Variants in NR1I3 observed in about 807,000 individuals in gnomAD.
NR1I3 encodes the protein nuclear receptor subfamily 1 group I member 3, also known as constitutive activator of retinoid response.
NR1I3 carries 30 observed loss-of-function variants against 38.4 expected under a neutral mutation model. That is an observed-to-expected ratio of 0.78 (90% CI 0.58 to 1.06). NR1I3 has a LOEUF of 1.06. Among genes scored for constraint, NR1I3 ranks in the 50% least tolerant of loss-of-function variants. NR1I3 has a pLI of 0.00. For synonymous variants in NR1I3, 143 were observed against 165.1 expected (o/e 0.87, Z 1.03); for missense variants, 388 against 435.7 (o/e 0.89, Z 0.97).
rs554210130 is a variant in NR1I3, at chr1:161,232,500, G to T, written c.548+307C>A. ...TTTTGTAGAGTTGGGGTTTTGTCAT[G>T]TTGCTGAGGCTGGTCTCAAACTTCT... On this transcript the variant is annotated intron_variant, in intron 5 of 8. Coordinates refer to ENST00000367983, the MANE Select transcript of NR1I3 (RefSeq NM_005122.5). 9.2e-5 allele frequency among the ~76,000 whole-genome samples: 14 copies of T among 152,116 alleles called. No homozygotes were observed. In the South Asian group the frequency reaches 2.9e-3, roughly 32 times the overall value.
chr1:161,237,971 A>C, intron 1 of NR1I3, 70 bp downstream of exon 1: 1 of 1,472,816 alleles, frequency 6.8e-7, no homozygotes, highest in Non-Finnish European at 9.5e-7. Context: ...CACGTGAGCC[A>C]CTATGCCTAG....
In NR1I3 at chr1:161,236,481, C is replaced by G. The variant is rs781707733; in HGVS notation, c.85G>C (p.Glu29Gln). The G allele has an allele frequency of 1.9e-6, 3 of 1,614,066 alleles. No homozygotes were observed. The African/African-American group carries it at 4.0e-5, about 22-fold the overall frequency. Residue 29 changes from glutamate to glutamine, a missense_variant, in exon 2 of 9, where the codon GAG becomes CAG. Transcript: ENST00000367983. ...TGYHFNALTC[E>Q]GCKGFFRRTV... The stretch of plus-strand genomic sequence containing the variant: ...CACCTGAAGAAACCCTTGCAGCCCT[C>G]ACAAGTCAGCGCATTAAAGTGGTAG...
intron 3 of NR1I3, among the ~76,000 whole-genome samples, chr1:161,234,278 C>T (rs375209968): frequency 2.0e-5 from 3 of 151,882 alleles, no homozygotes; most frequent in East Asian, 1.9e-4. Context: ...GCTGGGATTA[C>T]AGGCGTGAGC....
chr1:161,232,636 G>A (rs111992799), intron 5 of NR1I3, among the ~76,000 whole-genome samples, 171 bp downstream of exon 5: 5 of 152,216 alleles, frequency 3.3e-5, no homozygotes, highest in African/African-American at 1.2e-4. Flanking sequence ...CTTCAGAGAT[G>A]GAGAAGAACT....
rs754170136 is a variant in NR1I3 at position 161,231,468 on chromosome 1, C to T, written c.555G>A (p.Leu185=). The part of the protein sequence containing the change: ...FTKDLPVFRS[L]PIEDQISLLK... ...GAAGGGAGATCTGGTCTTCAATGGGCAGGGAACTGTGGAAAGCAGGAAACA... is the reference window on the plus strand; with the variant it reads ...GAAGGGAGATCTGGTCTTCAATGGGTAGGGAACTGTGGAAAGCAGGAAACA... Residue 185 remains leucine (L), a synonymous_variant, in exon 6 of 9, where the codon CTG becomes CTA. Coordinates refer to ENST00000367983, the MANE Select transcript of NR1I3 (RefSeq NM_005122.5). 3 of 1,576,670 alleles carry T rather than the reference C, an allele frequency of 1.9e-6. No individual in the cohort carries two copies. Among genetic ancestry groups the T allele is most frequent in the African/African-American group, 1.4e-5 (1 of 72,224 alleles).
intron 2 of NR1I3, 131 bp from the exon 3 acceptor site, chr1:161,236,108 G>T (rs6686001): frequency 0.15 from 158,853 of 1,045,210 alleles, 12,997 homozygotes; most frequent in East Asian, 0.26. Context: ...GGTCCCCAGG[G>T]GTGGATAGTA....
At chr1:161,235,634 T>C (rs2102187826) in intron 3 of NR1I3, 2 of 502,432 alleles carry the variant, frequency 4.0e-6, no homozygotes, top group East Asian at 8.2e-5. Flanking sequence ...GGGAAGAGTA[T>C]GAAATAAAGT....
intron 8 of NR1I3, chr1:161,230,458 G>A: frequency 4.2e-6 from 2 of 473,000 alleles, no homozygotes; most frequent in African/African-American, 2.0e-5. Flanking sequence ...GCGAGGAGAG[G>A]AAAGGCCAAG....
chr1:161,232,717 A>G (rs2102145158), intron 5 of NR1I3, 90 bp downstream of exon 5: 4 of 1,275,200 alleles, frequency 3.1e-6, no homozygotes, highest in Middle Eastern at 1.9e-4. Flanking sequence ...AGGCTGACGC[A>G]TGTGATAATT....
chr1:161,232,488 G>A (rs907847595), intron 5 of NR1I3, among the ~76,000 whole-genome samples: 1 of 151,960 alleles, frequency 6.6e-6, no homozygotes. Flanking sequence ...TGTAGAGTTG[G>A]GGTTTTGTCA....
chr1:161,236,813 T>C (rs1159403839), intron 1 of NR1I3, among the ~76,000 whole-genome samples: 31 of 151,940 alleles, frequency 2.0e-4, no homozygotes, highest in Admixed American at 1.5e-3. Flanking sequence ...TTGCAACCTC[T>C]GCCTCCTGGG....
Position 161,238,149 on chromosome 1 carries a change from C to A in NR1I3, c.-142G>T. The stretch of plus-strand genomic sequence containing the variant: ...GTTTTCCTCTGATCTCAGGAGTTGC[C>A]AGTGATTGGAGTTAGGGATTATGAC... On this transcript the variant is annotated 5_prime_UTR_variant, in exon 1 of 9. Transcript: ENST00000367983. 1 of 1,597,466 alleles carries A rather than the reference C, an allele frequency of 6.3e-7. No individual in the cohort carries two copies. Among genetic ancestry groups the A allele is most frequent in the South Asian group, 1.1e-5 (1 of 90,510 alleles).
At chr1:161,233,887 GTATA>G (rs375219840) in intron 3 of NR1I3, among the ~76,000 whole-genome samples, 229 of 100,356 alleles carry the variant, frequency 2.3e-3, no homozygotes, top group African/African-American at 5.9e-3. Flanking sequence ...GTGTGTGTGT[GTATA>G]TGTGTGTGTA....
At chr1:161,235,696 G>A in intron 3 of NR1I3, 151 bp downstream of exon 3, 1 of 849,122 alleles carries the variant, frequency 1.2e-6, no homozygotes, top group Non-Finnish European at 1.8e-6. Flanking sequence ...CTTTGAGATG[G>A]GGAGCCATTG....
chr1:161,234,920 G>T (rs1046202973), intron 3 of NR1I3, among the ~76,000 whole-genome samples: 1 of 152,046 alleles, frequency 6.6e-6, no homozygotes, highest in Non-Finnish European at 1.5e-5. Context: ...TGGGCAGATC[G>T]CCTGAGGCCA....
At position 161,236,584 on chromosome 1, in the gene NR1I3, G is replaced by T. The variant is rs759962703; in HGVS notation, c.-19C>A. On this transcript the variant is annotated 5_prime_UTR_variant, in exon 2 of 9. Transcript: ENST00000367983. ...TGGCCATGACGTCACGTGTTGGGGT[G>T]GCTGTCACAGACTCCTGAATGTAGG... 1.2e-6 allele frequency: 2 copies of T among 1,613,692 alleles called. No homozygotes were observed. The highest frequency in any genetic ancestry group is 1.3e-5 in the African/African-American group (1 of 74,902).
chr1:161,235,353 C>T (rs1284255535), intron 3 of NR1I3: 1 of 147,712 alleles, frequency 6.8e-6, no homozygotes, highest in African/African-American at 2.5e-5. Context: ...CAAGCTCCGC[C>T]TCCCGGGTTC....
chr1:161,236,517 G>C lies in NR1I3; in HGVS notation c.49C>G (p.Gln17Glu). 1.2e-6 allele frequency: 2 copies of C among 1,614,116 alleles called. No homozygotes were observed. The highest frequency in any genetic ancestry group is 1.7e-6 in the Non-Finnish European group (2 of 1,180,026). The change falls in exon 2 of 9, where the codon CAA becomes GAA. Residue 17 changes from glutamine to glutamate, a missense_variant. Gln to Glu is a conservative substitution (Grantham distance 29). Coordinates refer to ENST00000367983, the MANE Select transcript of NR1I3 (RefSeq NM_005122.5). Reference protein sequence around the residue: ...ELRNCVVCGDQATGYHFNALT... With the variant: ...ELRNCVVCGDEATGYHFNALT... The stretch of plus-strand genomic sequence containing the variant: ...GCATTAAAGTGGTAGCCTGTGGCTT[G>C]GTCCCCACATACCACACAGTTCCTC...
At position 161,231,133 on chromosome 1, in the gene NR1I3, C is replaced by T. The variant is rs767209723; in HGVS notation, c.795G>A (p.Met265Ile). The change falls in exon 7 of 9, where the codon ATG becomes ATA. Residue 265 changes from methionine to isoleucine, a missense_variant. Coordinates refer to ENST00000367983, the MANE Select transcript of NR1I3 (RefSeq NM_005122.5). Reference protein sequence around the residue: ...QEPEYVLLAAMALFSPDRPGV... With the variant: ...QEPEYVLLAAIALFSPDRPGV... ...GGTGCTCACCAGGAGAGAAGAGGGC[C>T]ATGGCAGCCAAGAGCACATACTCAG... The T allele has an allele frequency of 4.5e-5, 72 of 1,613,984 alleles. No homozygotes were observed. Among genetic ancestry groups the T allele is most frequent in the Non-Finnish European group, 5.8e-5 (69 of 1,180,020 alleles).
Sources: gnomAD v4.1 joint callset for allele counts (sites outside exome capture counted in the v4.1 genomes callset) on GRCh38, gnomAD v4.1.1 for gene constraint, MANE v1.5 for transcripts, NCBI Gene and HGNC (gene_info 2026-07-23, HGNC 2026-07-21) for gene names.